PARD3B: variants seen among roughly 807,000 people sequenced by gnomAD.
PARD3B encodes partitioning defective 3 homolog B.
Under a neutral mutation model 130.2 loss-of-function variants are expected in PARD3B, and 103 were observed. The ratio of observed to expected loss-of-function variants is 0.79; its 90% CI spans 0.67 to 0.93. The LOEUF is 0.93. Ranked by LOEUF, PARD3B falls within the 40% of genes least tolerant of loss-of-function variation. PARD3B has a pLI of 0.00. For missense variants in PARD3B, 1,609 were observed against 1,499.2 expected (o/e 1.07, Z -1.21); for synonymous variants, 583 against 553.2 (o/e 1.05, Z -0.76).
Position 205,589,401 on chromosome 2 carries a change from T to C in PARD3B, c.3261-26055T>C, listed in dbSNP as rs1042859404. The stretch of plus-strand genomic sequence containing the variant: ...ACAGGATCTCACCAAAATCAGGCTC[T>C]CCAAACCTCTGTTCCCACGGCAACT... On this transcript the variant is annotated intron_variant, in intron 22 of 22. Coordinates refer to ENST00000406610, the MANE Select transcript of PARD3B (RefSeq NM_001302769.2). The surrounding 1 kb of genome is among the most constrained non-coding windows in gnomAD (Gnocchi z 4.1). Among the ~76,000 whole-genome samples the C allele has an allele frequency of 2.6e-5, 4 of 152,124 alleles. No homozygotes were observed. Among genetic ancestry groups the C allele is most frequent in the Non-Finnish European group, 5.9e-5 (4 of 68,030 alleles).
rs574156712 is a variant in PARD3B at position 205,525,022 on chromosome 2, C to T, written c.3180+24991C>T. Among the ~76,000 whole-genome samples the T allele has an allele frequency of 2.6e-5, 4 of 152,294 alleles. No individual in the cohort carries two copies. Among genetic ancestry groups the T allele is most frequent in the South Asian group, 2.1e-4 (1 of 4,824 alleles). ...GATACCCATCAAAACACTTAAACCT[C>T]GCCAGAATAAGAGATTTCTTAGTGA... is the stretch of plus-strand genomic sequence containing the variant. On this transcript the variant is annotated intron_variant, in intron 21 of 22. Coordinates refer to ENST00000406610, the MANE Select transcript of PARD3B (RefSeq NM_001302769.2). This position sits in a 1 kb window ranked among gnomAD's most constrained non-coding sequence, Gnocchi z 4.2.
Position 205,301,483 on chromosome 2 carries a change from C to T in PARD3B, c.2412C>T (p.Ser804=), listed in dbSNP as rs767403706. 1.2e-6 allele frequency: 2 copies of T among 1,612,510 alleles called. No homozygotes were observed. Among genetic ancestry groups the T allele is most frequent in the African/African-American group, 2.7e-5 (2 of 74,594 alleles). Residue 804 remains serine (S), a synonymous_variant, in exon 18 of 23, where the codon AGC becomes AGT. Transcript: ENST00000406610. The surrounding 1 kb of genome is among the most constrained non-coding windows in gnomAD (Gnocchi z 5.2). ...EIEADGLSDK[S]SHSGQGALNC... ...GTACAGACGGTCTGTCTGATAAGAG[C>T]TCTCACTCTGGCCAAGGAGCTCTGA...
intron 1 of PARD3B, among the ~76,000 whole-genome samples, chr2:204,578,334 G>A (rs2032375070): frequency 6.6e-6 from 1 of 152,092 alleles, no homozygotes; most frequent in Non-Finnish European, 1.5e-5. Context: ...TGCTTGCGTG[G>A]ACTCACAGGA....
rs1413322428 is a variant in PARD3B, at chr2:205,619,770, A to G, written c.*3957A>G. ...CTTAAATAGTCACAGAATCACACAC[A>G]GCCTGACTTTTAAAGACAAGCTTGG... On this transcript the variant is annotated 3_prime_UTR_variant, in exon 23 of 23. Transcript: ENST00000406610. The G allele has an allele frequency of 1.3e-5, 2 of 152,226 alleles. No individual in the cohort carries two copies. The highest frequency in any genetic ancestry group is 2.4e-5 in the African/African-American group (1 of 41,464). 9.4% of individuals were successfully genotyped at this position (152,226 alleles called of 1,614,324 possible).
intron 19 of PARD3B, among the ~76,000 whole-genome samples, chr2:205,431,826 AG>A (rs1449681938): frequency 6.6e-6 from 1 of 152,190 alleles, no homozygotes; most frequent in African/African-American, 2.4e-5. Flanking sequence ...CATAAATGAA[AG>A]AAACATTAAT....
At position 205,619,088 on chromosome 2, in the gene PARD3B, T is replaced by C. The variant is rs969806650; in HGVS notation, c.*3275T>C. 1 of 152,196 alleles carries C rather than the reference T, an allele frequency of 6.6e-6. No individual in the cohort carries two copies. The highest frequency in any genetic ancestry group is 1.5e-5 in the Non-Finnish European group (1 of 68,040). 9.4% of individuals were successfully genotyped at this position (152,196 alleles called of 1,614,324 possible). ...ATGGGGAAGAACAGAGGCTTCACTG[T>C]AGCTATAGTTTTCCACCAAGTCAAT... On this transcript the variant is annotated 3_prime_UTR_variant, in exon 23 of 23. Coordinates refer to ENST00000406610, the MANE Select transcript of PARD3B (RefSeq NM_001302769.2).
At chr2:204,983,819 C>T (rs556353137) in intron 3 of PARD3B, among the ~76,000 whole-genome samples, 2 of 152,254 alleles carry the variant, frequency 1.3e-5, no homozygotes, top group South Asian at 4.1e-4. Context: ...AACATAGTTG[C>T]ATTTTCACAG....
rs371130897 is a variant in PARD3B, at chr2:205,146,935, C to T, written c.1435-11787C>T. Among the ~76,000 whole-genome samples, 22 of 151,986 alleles carry T rather than the reference C, an allele frequency of 1.4e-4. No homozygotes were observed. Among genetic ancestry groups the T allele is most frequent in the African/African-American group, 3.6e-4 (15 of 41,494 alleles). On this transcript the variant is annotated intron_variant, in intron 10 of 22. Coordinates refer to ENST00000406610, the MANE Select transcript of PARD3B (RefSeq NM_001302769.2). The surrounding 1 kb of genome is among the most constrained non-coding windows in gnomAD (Gnocchi z 4.3). ...TTTGCCATGTTGGCCAGGCTGGTCT[C>T]GAACTCCTGACCTCAAGTGTTCTGC... is the stretch of plus-strand genomic sequence containing the variant.
chr2:205,241,817 A>T lies in PARD3B; in HGVS notation c.2141-3961A>T, dbSNP rs992099701. Among the ~76,000 whole-genome samples the T allele has an allele frequency of 1.2e-4, 19 of 152,144 alleles. No individual in the cohort carries two copies. ...CACATTTCATATCACTACCATTCCA[A>T]TCACTGTGCTAAATATTATGCAGTG... On this transcript the variant is annotated intron_variant, in intron 15 of 22. Transcript: ENST00000406610. The surrounding 1 kb of genome is among the most constrained non-coding windows in gnomAD (Gnocchi z 4.2).
At chr2:204,942,656 C>T (rs1575376232) in intron 2 of PARD3B, among the ~76,000 whole-genome samples, 2 of 151,708 alleles carry the variant, frequency 1.3e-5, no homozygotes, top group African/African-American at 4.8e-5. Context: ...TATACAAACA[C>T]TTTGGTCACC....
intron 22 of PARD3B, among the ~76,000 whole-genome samples, chr2:205,574,441 G>T (rs577386135): frequency 6.6e-6 from 1 of 152,308 alleles, no homozygotes; most frequent in South Asian, 2.1e-4. Flanking sequence ...GCCCATGTAA[G>T]CATTGTTATC....
chr2:204,655,017 A>G (rs576845207), intron 1 of PARD3B, among the ~76,000 whole-genome samples: 1 of 152,274 alleles, frequency 6.6e-6, no homozygotes, highest in East Asian at 1.9e-4. Context: ...TGTCTCCCCC[A>G]GAAATACTTA....
chr2:205,476,925 G>T (rs1023459184), intron 20 of PARD3B, among the ~76,000 whole-genome samples: 1 of 152,072 alleles, frequency 6.6e-6, no homozygotes, highest in Admixed American at 6.6e-5. Context: ...TCTCACCTTG[G>T]TATTCTGGTA....
At position 204,885,990 on chromosome 2, in the gene PARD3B, G is replaced by A. The variant is rs1283731427; in HGVS notation, c.223-79162G>A. Among the ~76,000 whole-genome samples, 6 of 152,258 alleles carry A rather than the reference G, an allele frequency of 3.9e-5. No individual in the cohort carries two copies. In the East Asian group the frequency reaches 1.2e-3, roughly 29 times the overall value. On this transcript the variant is annotated intron_variant, in intron 2 of 22. Coordinates refer to ENST00000406610, the MANE Select transcript of PARD3B (RefSeq NM_001302769.2). ...ACTTTTCTTTTTCTAAGTGGCATCA[G>A]CATGTATTTGGTCACCTGCAGAGAA... is the stretch of plus-strand genomic sequence containing the variant.
intron 2 of PARD3B, among the ~76,000 whole-genome samples, chr2:204,717,773 G>A (rs567958704): frequency 4.6e-5 from 7 of 152,156 alleles, no homozygotes; most frequent in East Asian, 3.9e-4. Flanking sequence ...AGGATGTGAC[G>A]TGGAAGAGGT....
chr2:205,344,287 T>C (rs1014848996), intron 18 of PARD3B, among the ~76,000 whole-genome samples: 1 of 150,716 alleles, frequency 6.6e-6, no homozygotes, highest in Admixed American at 6.6e-5. Flanking sequence ...GACAGAGACA[T>C]ACAGGCATGT....
At position 205,070,413 on chromosome 2, in the gene PARD3B, A is replaced by G. The variant is rs117190781; in HGVS notation, c.504+22723A>G. 8.2e-4 allele frequency among the ~76,000 whole-genome samples: 124 copies of G among 151,902 alleles called. 1 individual carries two copies. In the East Asian group the frequency reaches 0.019, roughly 24 times the overall value. On this transcript the variant is annotated intron_variant, in intron 4 of 22. Coordinates refer to ENST00000406610, the MANE Select transcript of PARD3B (RefSeq NM_001302769.2). ...TAGTTGCTATGTCTTTTACATCTCT[A>G]TAATCTTTGTTCATGACATTGACTT...
intron 1 of PARD3B, among the ~76,000 whole-genome samples, chr2:204,577,908 C>T (rs1033331909): frequency 3.3e-5 from 5 of 152,140 alleles, no homozygotes; most frequent in African/African-American, 1.2e-4. Flanking sequence ...AAGAGTGATA[C>T]TTTATTTAGA....
chr2:205,339,942 C>T (rs2043457229), intron 18 of PARD3B, among the ~76,000 whole-genome samples: 1 of 92,274 alleles, frequency 1.1e-5, no homozygotes, highest in Admixed American at 1.5e-4. Flanking sequence ...TTAATATAGA[C>T]AATAAACAGG....
Sources: gnomAD v4.1 joint callset for allele counts (sites outside exome capture counted in the v4.1 genomes callset) on GRCh38, gnomAD v4.1.1 for gene constraint, Gnocchi (gnomAD v3.1) non-coding constraint, MANE v1.5 for transcripts, NCBI Gene and HGNC (gene_info 2026-07-23, HGNC 2026-07-21) for gene names.